The following HK1 variants were observed in gnomAD, a reference collection of about 807,000 sequenced individuals.
HK1 encodes the protein hexokinase 1.
Under a neutral mutation model 91.6 loss-of-function variants are expected in HK1, and 28 were observed. The observed-to-expected ratio is 0.31, with a 90% CI of 0.23 to 0.42. The LOEUF (loss-of-function observed/expected upper bound fraction) is 0.42. Among genes scored for constraint, HK1 ranks in the 10% least tolerant of loss-of-function variants. The probability of loss-of-function intolerance (pLI) is 1.00; values close to 1 mark genes in which losing one functional copy is unlikely to be tolerated. For missense variants in HK1, 770 were observed against 1,219.8 expected, an observed-to-expected ratio of 0.63 and a Z score of 5.49; for synonymous variants, 430 against 468.1, an observed-to-expected ratio of 0.92 and a Z score of 1.05.
chr10:69,316,989 T>C (rs1197462336), upstream of HK1, among the ~76,000 whole-genome samples: 2 of 152,140 alleles, frequency 1.3e-5, no homozygotes. Context: ...TACCAGAAAA[T>C]CTCTCTCTTC....
rs148374645 is a variant in HK1, at chr10:69,293,618, G to A, written c.-114-2015G>A. ...AATTTGGACTGAGCTCACCTGGAACGGCTCTTCTCTGTCCCATTTACTGTC... is the reference window on the plus strand; with the variant it reads ...AATTTGGACTGAGCTCACCTGGAACAGCTCTTCTCTGTCCCATTTACTGTC... On this transcript the variant is annotated intron_variant, in intron 3 of 21. Transcript: ENST00000360289. Among the ~76,000 whole-genome samples the A allele has an allele frequency of 1.2e-3, 189 of 152,208 alleles. 2 individuals carry two copies. The highest frequency in any genetic ancestry group is 9.7e-4 in the East Asian group (5 of 5,176).
intron 5 of HK1, among the ~76,000 whole-genome samples, 166 bp downstream of exon 5, chr10:69,368,797 G>A (rs1253892311): frequency 1.3e-5 from 2 of 152,090 alleles, no homozygotes; most frequent in African/African-American, 4.8e-5. Context: ...GGATGGGGAT[G>A]GTGCAAAGCC....
At chr10:69,372,059 A>G (rs1371592502) in intron 7 of HK1, among the ~76,000 whole-genome samples, 1 of 152,220 alleles carries the variant, frequency 6.6e-6, no homozygotes, top group African/African-American at 2.4e-5. Flanking sequence ...ATCATGGCAC[A>G]AGTCATGTCT....
intron 5 of HK1, among the ~76,000 whole-genome samples, chr10:69,307,945 T>C (rs969684689): frequency 2.0e-5 from 3 of 152,112 alleles, no homozygotes; most frequent in Non-Finnish European, 4.4e-5. Context: ...TTCAAGTGAT[T>C]CTCCTGCCCC....
intron 1 of HK1, among the ~76,000 whole-genome samples, chr10:69,333,143 C>T (rs1027850240): frequency 3.9e-5 from 6 of 152,208 alleles, no homozygotes; most frequent in Non-Finnish European, 5.9e-5. Flanking sequence ...CACAAGAGAT[C>T]GAAGTGACTT....
At chr10:69,326,196 G>A (rs1384760805) in intron 1 of HK1, among the ~76,000 whole-genome samples, 1 of 151,178 alleles carries the variant, frequency 6.6e-6, no homozygotes, top group Non-Finnish European at 1.5e-5. Context: ...TGAGTGTCAT[G>A]TCGGGTATGA....
upstream of HK1, among the ~76,000 whole-genome samples, chr10:69,317,333 A>G (rs373968358): frequency 5.2e-4 from 79 of 152,246 alleles, 1 homozygote; most frequent in South Asian, 0.016. Context: ...GAGGTGATTC[A>G]AGATGCCCCT....
At chr10:69,274,629 C>T (rs1564745735) in intron 1 of HK1, among the ~76,000 whole-genome samples, 1 of 151,484 alleles carries the variant, frequency 6.6e-6, no homozygotes, top group Admixed American at 6.6e-5. Context: ...TAGAGTCATG[C>T]CTGTCTTGTG....
chr10:69,305,807 G>A (rs1192025720), intron 5 of HK1, among the ~76,000 whole-genome samples: 3 of 150,326 alleles, frequency 2.0e-5, no homozygotes, highest in Admixed American at 2.0e-4. Context: ...GAGCCGAGAT[G>A]ATGCCACTGC....
intron 14 of HK1, among the ~76,000 whole-genome samples, chr10:69,391,065 G>A (rs1339189290): frequency 1.3e-5 from 2 of 152,288 alleles, no homozygotes; most frequent in Admixed American, 1.3e-4. Context: ...CTCTGCTCTA[G>A]GGAGTTCAGG....
At chr10:69,397,352 TGAAGTGGTATG>T (rs1840189060) in intron 16 of HK1, among the ~76,000 whole-genome samples, 1 of 152,016 alleles carries the variant, frequency 6.6e-6, no homozygotes, top group Non-Finnish European at 1.5e-5. Context: ...CTAATGGGTA[TGAAGTGGTATG>T]GAAAGTCTTT....
rs557387382 is a variant in HK1, at chr10:69,285,737, G to A, written c.-214-2934G>A. Among the ~76,000 whole-genome samples the A allele has an allele frequency of 1.6e-4, 24 of 152,144 alleles. 1 individual carries two copies. Among genetic ancestry groups the A allele is most frequent in the African/African-American group, 5.8e-4 (24 of 41,536 alleles). On this transcript the variant is annotated intron_variant, in intron 2 of 21. Transcript: ENST00000360289. ...AGGGCCAGTTACTTCGGGGTGGAGAGTATATGGAGAATGGAATGACTAGCT... is the reference window on the plus strand; with the variant it reads ...AGGGCCAGTTACTTCGGGGTGGAGAATATATGGAGAATGGAATGACTAGCT...
chr10:69,333,982 G>A (rs981130004), intron 1 of HK1, among the ~76,000 whole-genome samples: 1 of 152,120 alleles, frequency 6.6e-6, no homozygotes, highest in Non-Finnish European at 1.5e-5. Context: ...ATGGTGGTGT[G>A]CGCCTGTAGT....
chr10:69,354,069 A>T (rs1315820305), intron 2 of HK1, among the ~76,000 whole-genome samples: 2 of 152,198 alleles, frequency 1.3e-5, no homozygotes, highest in African/African-American at 4.8e-5. Flanking sequence ...ATTAGAGAGC[A>T]TGGAGCTGGT....
At chr10:69,351,048 T>A (rs35929312) in intron 2 of HK1, among the ~76,000 whole-genome samples, 19,614 of 144,794 alleles carry the variant, frequency 0.14, 1,472 homozygotes, top group South Asian at 0.27. Flanking sequence ...GGTGGCGGGC[T>A]CCTGTAGTCC....
At chr10:69,336,675 T>G (rs1003159167) in intron 1 of HK1, among the ~76,000 whole-genome samples, 14 of 147,828 alleles carry the variant, frequency 9.5e-5, no homozygotes, top group Admixed American at 2.7e-4. Flanking sequence ...ATTCTCGCCT[T>G]GTTGCCCAGG....
At chr10:69,379,024 G>A (rs527782963) in intron 8 of HK1, among the ~76,000 whole-genome samples, 2 of 152,126 alleles carry the variant, frequency 1.3e-5, no homozygotes, top group Non-Finnish European at 2.9e-5. Context: ...TTTGAGGTTC[G>A]TGCCGCAGTA....
chr10:69,361,357 CT>C (rs1429882291), intron 3 of HK1, among the ~76,000 whole-genome samples: 1 of 152,240 alleles, frequency 6.6e-6, no homozygotes, highest in African/African-American at 2.4e-5. Context: ...AGGCTGCCAG[CT>C]GGTAGGTCTC....
intron 3 of HK1, among the ~76,000 whole-genome samples, chr10:69,290,821 T>C (rs1845267361): frequency 6.6e-6 from 1 of 152,194 alleles, no homozygotes; most frequent in South Asian, 2.1e-4. Context: ...TTTGAGAGGA[T>C]TGAATTCTGT....
Sources: allele counts gnomAD v4.1 joint callset (sites outside exome capture counted in the v4.1 genomes callset), GRCh38; gene constraint gnomAD v4.1.1; transcripts MANE v1.5; gene names NCBI Gene and HGNC (gene_info 2026-07-23, HGNC 2026-07-21).